The following PRRX2 variants were observed in gnomAD, a reference collection of about 807,000 sequenced individuals.
PRRX2 encodes the protein paired mesoderm homeobox protein 2.
In PRRX2, 11 loss-of-function variants were observed where a neutral mutation model predicts 18.0. The ratio of observed to expected loss-of-function variants is 0.61; its 90% CI spans 0.39 to 1.01. The LOEUF (loss-of-function observed/expected upper bound fraction) is 1.01, where lower values mean the gene tolerates loss of function less well. PRRX2 is among the 50% of genes least tolerant of loss of function. The probability of loss-of-function intolerance (pLI) is 0.01; values close to 1 mark genes in which losing one functional copy is unlikely to be tolerated. For missense variants in PRRX2, 387 were observed against 351.0 expected, an observed-to-expected ratio of 1.10 and a Z score of -0.82; for synonymous variants, 177 against 154.8, an observed-to-expected ratio of 1.14 and a Z score of -1.06.
intron 1 of PRRX2, among the ~76,000 whole-genome samples, chr9:129,701,185 G>A (rs933307141): frequency 2.6e-5 from 4 of 152,238 alleles, no homozygotes; most frequent in Non-Finnish European, 4.4e-5. Flanking sequence ...TCACACTAAC[G>A]TGAGGAAGAA....
chr9:129,684,532 A>ACACACACACACACACACACC lies in PRRX2; in HGVS notation c.259+18407_259+18408insACACACACACACACACACCC, dbSNP rs1165343797. 1.2e-3 allele frequency among the ~76,000 whole-genome samples: 163 copies of ACACACACACACACACACACC among 140,354 alleles called. 2 individuals carry two copies. Among genetic ancestry groups the ACACACACACACACACACACC allele is most frequent in the Non-Finnish European group, 1.7e-3 (110 of 65,778 alleles). 92.1% of individuals were successfully genotyped at this position (140,354 alleles called of 152,430 possible). ...CACACACACACACACACCCACACAC[A>ACACACACACACACACACACC]CCCCAACAGAAAAGAGACCAGAAAT... is the stretch of plus-strand genomic sequence containing the variant. On this transcript the variant is annotated intron_variant, in intron 1 of 3. Transcript: ENST00000372469.
rs1383141108 is a variant in PRRX2 at position 129,669,835 on chromosome 9, A to C, written c.259+3709A>C. ...CTACCTTCAATTATTTTTTATTGCG[A>C]TAAAAGATGCCTAACATCAGATTGA... is the stretch of plus-strand genomic sequence containing the variant. On this transcript the variant is annotated intron_variant, in intron 1 of 3. Transcript: ENST00000372469. Among the ~76,000 whole-genome samples, 3 of 151,938 alleles carry C rather than the reference A, an allele frequency of 2.0e-5. No individual in the cohort carries two copies. The East Asian group carries it at 5.8e-4, about 29-fold the overall frequency.
intron 1 of PRRX2, among the ~76,000 whole-genome samples, chr9:129,681,879 G>A (rs1588164129): frequency 1.3e-5 from 2 of 152,332 alleles, no homozygotes; most frequent in South Asian, 4.1e-4. Context: ...AGGTTCTGGA[G>A]GCTTCTGGGC....
chr9:129,666,040 GC>G lies in PRRX2; in HGVS notation c.177del (p.Ala61ProfsTer135). 9.5e-7 allele frequency: 1 copy of G among 1,054,956 alleles called. No individual in the cohort carries two copies. Among genetic ancestry groups the G allele is most frequent in the South Asian group, 4.1e-5 (1 of 24,416 alleles). 65.3% of individuals were successfully genotyped at this position (1,054,956 alleles called of 1,614,324 possible). On this transcript the variant is annotated frameshift_variant, in exon 1 of 4. Transcript: ENST00000372469. LOFTEE classifies it high-confidence loss of function. ...GCGGCGGCCGGGCGGCTGGCGGCGC[GC>G]CCCGGGGCCAGGGCCGAGGCGCGGG... ...EVAAAGRLAA[R>X]PGARAEAREG...
rs1459787875 is a variant in PRRX2 at position 129,675,690 on chromosome 9, G to A, written c.259+9564G>A. The stretch of plus-strand genomic sequence containing the variant: ...CTCCCTTCTTGCCGTGGGCGCAGAC[G>A]TTTACACGCCAGAGATGGCGTTATT... On this transcript the variant is annotated intron_variant, in intron 1 of 3. Coordinates refer to ENST00000372469, the MANE Select transcript of PRRX2 (RefSeq NM_016307.4). This position sits in a 1 kb window ranked among gnomAD's most constrained non-coding sequence, Gnocchi z 4.4. Among the ~76,000 whole-genome samples, 1 of 151,132 alleles carries A rather than the reference G, an allele frequency of 6.6e-6. No homozygotes were observed.
rs143646785 is a variant in PRRX2 at position 129,694,309 on chromosome 9, C to T, written c.260-24922C>T. Among the ~76,000 whole-genome samples the T allele has an allele frequency of 2.3e-3, 355 of 152,318 alleles. 2 individuals carry two copies. The highest frequency in any genetic ancestry group is 8.1e-3 in the African/African-American group (338 of 41,572). On this transcript the variant is annotated intron_variant, in intron 1 of 3. Transcript: ENST00000372469. ...GATTCAAGCCATTCTCTCAGCCTCC[C>T]GACTAGCCGGGACTATGGGTGTGTG...
At chr9:129,694,163 C>T (rs1375176653) in intron 1 of PRRX2, among the ~76,000 whole-genome samples, 7 of 152,234 alleles carry the variant, frequency 4.6e-5, no homozygotes, top group Non-Finnish European at 2.9e-5. Context: ...AAACACCCCA[C>T]GTCTCCCCTT....
intron 1 of PRRX2, among the ~76,000 whole-genome samples, chr9:129,713,652 C>T (rs1320907839): frequency 6.7e-6 from 1 of 150,010 alleles, no homozygotes; most frequent in Non-Finnish European, 1.5e-5. Flanking sequence ...TTTTTTTAGA[C>T]GGAATTTCAC....
intron 1 of PRRX2, among the ~76,000 whole-genome samples, chr9:129,669,472 G>A (rs905984844): frequency 6.6e-6 from 1 of 152,268 alleles, no homozygotes; most frequent in Non-Finnish European, 1.5e-5. Context: ...CGGGGACGTG[G>A]ACACACTGGG....
intron 1 of PRRX2, among the ~76,000 whole-genome samples, chr9:129,666,537 A>T (rs1196949235): frequency 1.3e-5 from 2 of 150,972 alleles, no homozygotes; most frequent in Non-Finnish European, 2.9e-5. Flanking sequence ...CTCGGTCTTA[A>T]GTTGGGCTCT....
At chr9:129,684,824 C>T (rs1287023242) in intron 1 of PRRX2, among the ~76,000 whole-genome samples, 1 of 152,178 alleles carries the variant, frequency 6.6e-6, no homozygotes, top group Non-Finnish European at 1.5e-5. Flanking sequence ...CACCTAATCA[C>T]GGAGGGACTG....
At chr9:129,699,525 G>A (rs1047269357) in intron 1 of PRRX2, among the ~76,000 whole-genome samples, 11 of 152,030 alleles carry the variant, frequency 7.2e-5, no homozygotes, top group African/African-American at 2.7e-4. Flanking sequence ...GTCCAGAAGT[G>A]AGAAGGCTTG....
intron 1 of PRRX2, among the ~76,000 whole-genome samples, chr9:129,694,822 AG>A (rs1161724358): frequency 6.6e-6 from 1 of 151,970 alleles, no homozygotes; most frequent in Non-Finnish European, 1.5e-5. Context: ...CAGCGGAGGG[AG>A]CCCCATTCAG....
chr9:129,719,541 G>A (rs1285969877), intron 2 of PRRX2, 123 bp downstream of exon 2: 6 of 1,248,364 alleles, frequency 4.8e-6, no homozygotes, highest in Non-Finnish European at 6.3e-6. Context: ...AGGCCAGGAG[G>A]ACGGGGGTTC....
intron 1 of PRRX2, among the ~76,000 whole-genome samples, chr9:129,705,193 G>A (rs2130926999): frequency 8.3e-6 from 1 of 120,816 alleles, no homozygotes; most frequent in Middle Eastern, 4.1e-3. Context: ...CTTAGTTTTG[G>A]GGTCTCAGGA....
chr9:129,672,859 C>T (rs942695811), intron 1 of PRRX2, among the ~76,000 whole-genome samples: 1 of 151,250 alleles, frequency 6.6e-6, no homozygotes, highest in Non-Finnish European at 1.5e-5. Context: ...CCCTTTCCCC[C>T]TCCATCCCCA....
At chr9:129,703,074 T>G (rs1448396370) in intron 1 of PRRX2, among the ~76,000 whole-genome samples, 1 of 152,172 alleles carries the variant, frequency 6.6e-6, no homozygotes, top group African/African-American at 2.4e-5. Context: ...TGTGTGAGGA[T>G]GTGATTGGAA....
intron 1 of PRRX2, among the ~76,000 whole-genome samples, chr9:129,688,558 T>G (rs562601223): frequency 6.6e-6 from 1 of 152,252 alleles, no homozygotes; most frequent in African/African-American, 2.4e-5. Flanking sequence ...CCAAGAAGCA[T>G]CATCCACGTC....
chr9:129,669,124 T>C (rs776283410), intron 1 of PRRX2, among the ~76,000 whole-genome samples: 13 of 151,256 alleles, frequency 8.6e-5, no homozygotes, highest in Admixed American at 5.3e-4. Context: ...TAGGAATTAA[T>C]ACGTCTTCAA....
Sources: gnomAD v4.1 joint callset for allele counts (sites outside exome capture counted in the v4.1 genomes callset) on GRCh38, gnomAD v4.1.1 for gene constraint, Gnocchi (gnomAD v3.1) non-coding constraint, MANE v1.5 for transcripts, NCBI Gene and HGNC (gene_info 2026-07-23, HGNC 2026-07-21) for gene names.